CNTNAP4: variants seen among roughly 807,000 people sequenced by gnomAD.
CNTNAP4 encodes contactin associated protein family member 4, also known as contactin-associated protein-like 4.
CNTNAP4 carries 98 observed loss-of-function variants against 148.4 expected under a neutral mutation model. The ratio of observed to expected loss-of-function variants is 0.66; its 90% confidence interval spans 0.56 to 0.78. The LOEUF (loss-of-function observed/expected upper bound fraction) is 0.78. Ranked by LOEUF, CNTNAP4 falls within the 30% of genes least tolerant of loss-of-function variation. The pLI is 0.00. For synonymous variants in CNTNAP4, 730 were observed against 565.1 expected (o/e 1.29, Z -4.14); for missense variants, 1,935 against 1,565.6 (o/e 1.24, Z -3.98).
chr16:76,300,084 T>C (rs1259079152), intron 1 of CNTNAP4, among the ~76,000 whole-genome samples: 2 of 152,116 alleles, frequency 1.3e-5, no homozygotes, highest in Admixed American at 6.6e-5. Context: ...ACACGGCGCA[T>C]GTATACATAT....
In CNTNAP4 at chr16:76,451,311, C is replaced by G. The variant is rs139132154; in HGVS notation, c.1072-1197C>G. Among the ~76,000 whole-genome samples, 8 of 152,234 alleles carry G rather than the reference C, an allele frequency of 5.3e-5. No individual in the cohort carries two copies. In the East Asian group the frequency reaches 1.5e-3, roughly 29 times the overall value. Reference sequence around the variant, plus strand: ...CTCAGAAGCAGACAAGTAAGGGGATCCTGGGAAACATGGTTTCTAGCTTTA... The same window carrying G: ...CTCAGAAGCAGACAAGTAAGGGGATGCTGGGAAACATGGTTTCTAGCTTTA... On this transcript the variant is annotated intron_variant, in intron 7 of 23. Coordinates refer to ENST00000611870, the MANE Select transcript of CNTNAP4 (RefSeq NM_033401.5).
At chr16:76,441,203 C>G (rs372454615) in intron 4 of CNTNAP4, among the ~76,000 whole-genome samples, 59 of 152,110 alleles carry the variant, frequency 3.9e-4, no homozygotes, top group African/African-American at 1.2e-3. Context: ...TGACTATAAG[C>G]TCTTTCAAAA....
intron 1 of CNTNAP4, among the ~76,000 whole-genome samples, chr16:76,301,093 A>G (rs564603411): frequency 2.0e-5 from 3 of 152,256 alleles, no homozygotes; most frequent in African/African-American, 7.2e-5. Flanking sequence ...AAACTATACC[A>G]TAGTCTTCAT....
chr16:76,470,858 A>G (rs2081344867), intron 10 of CNTNAP4, among the ~76,000 whole-genome samples: 2 of 152,234 alleles, frequency 1.3e-5, no homozygotes, highest in South Asian at 4.1e-4. Flanking sequence ...ACACACATGC[A>G]CCAATGTGGC....
At chr16:76,505,791 A>G (rs1242130688) in intron 15 of CNTNAP4, among the ~76,000 whole-genome samples, 1 of 96,776 alleles carries the variant, frequency 1.0e-5, no homozygotes, top group African/African-American at 2.6e-5. Context: ...TCCCAGGGCT[A>G]TAGGAGGTCA....
chr16:76,516,556 G>A (rs2083262044), intron 15 of CNTNAP4, among the ~76,000 whole-genome samples: 2 of 152,086 alleles, frequency 1.3e-5, no homozygotes, highest in African/African-American at 4.8e-5. Context: ...TGTACTCTTG[G>A]GCATTTTCCC....
chr16:76,507,749 G>A (rs572351104), intron 15 of CNTNAP4, among the ~76,000 whole-genome samples: 1 of 96,270 alleles, frequency 1.0e-5, no homozygotes, highest in Admixed American at 1.0e-4. Context: ...TAGAAGCCTA[G>A]GCATTCATAC....
rs2081204985 is a variant in CNTNAP4, at chr16:76,467,263, C to A, written c.1484-89C>A. 4.4e-6 allele frequency: 5 copies of A among 1,126,284 alleles called. No homozygotes were observed. In the Admixed American group the frequency reaches 6.7e-5, roughly 15 times the overall value. 69.8% of individuals were successfully genotyped at this position (1,126,284 alleles called of 1,614,324 possible). ...TTTAATACAGAAAATAATCATATGC[C>A]TCTTTCTTTTATTTTTTAAATGAAG... On this transcript the variant is annotated intron_variant, in intron 9 of 23. Transcript: ENST00000611870.
intron 1 of CNTNAP4, among the ~76,000 whole-genome samples, chr16:76,289,542 T>A (rs1451109155): frequency 6.6e-6 from 1 of 151,326 alleles, no homozygotes; most frequent in Admixed American, 6.6e-5. Flanking sequence ...TTTTTTTTTT[T>A]ACCAGCATTA....
chr16:76,312,167 A>G (rs1961195384), intron 1 of CNTNAP4, among the ~76,000 whole-genome samples: 1 of 152,148 alleles, frequency 6.6e-6, no homozygotes, highest in African/African-American at 2.4e-5. Flanking sequence ...AGACCAGACC[A>G]TTCTTTGTGG....
intron 15 of CNTNAP4, among the ~76,000 whole-genome samples, chr16:76,500,109 G>T (rs1034510441): frequency 6.6e-6 from 1 of 152,066 alleles, no homozygotes; most frequent in African/African-American, 2.4e-5. Context: ...GGGCAGAGGG[G>T]CTCCGCACTT....
Position 76,521,424 on chromosome 16 carries a change from G to A in CNTNAP4, c.2536+114G>A, listed in dbSNP as rs773277324. Reference sequence around the variant, plus strand: ...TTTATCATCTGATTCTTTTCATTGCGCCCCTTTGAAAAACTCAATAATATT... The same window carrying A: ...TTTATCATCTGATTCTTTTCATTGCACCCCTTTGAAAAACTCAATAATATT... On this transcript the variant is annotated intron_variant, in intron 16 of 23. Transcript: ENST00000611870. 6.1e-6 allele frequency: 5 copies of A among 820,914 alleles called. No individual in the cohort carries two copies. The African/African-American group carries it at 7.1e-5, about 12-fold the overall frequency. The allele number at this position is 820,914 out of a possible 1,614,324, so 50.9% of individuals were successfully genotyped here. A position where few individuals can be genotyped will look rare whatever the true frequency, so the allele number is the denominator to read the frequency against.
intron 2 of CNTNAP4, among the ~76,000 whole-genome samples, chr16:76,320,300 G>T (rs1962270237): frequency 6.6e-6 from 1 of 152,100 alleles, no homozygotes; most frequent in Non-Finnish European, 1.5e-5. Flanking sequence ...AATAGAAAAG[G>T]TATACCTTTG....
At chr16:76,281,238 C>T (rs966453529) in intron 1 of CNTNAP4, among the ~76,000 whole-genome samples, 1 of 152,042 alleles carries the variant, frequency 6.6e-6, no homozygotes, top group African/African-American at 2.4e-5. Context: ...CCTCCCCCCA[C>T]CATATTTACT....
intron 3 of CNTNAP4, among the ~76,000 whole-genome samples, chr16:76,422,978 G>A (rs1473814328): frequency 6.6e-6 from 1 of 152,096 alleles, no homozygotes; most frequent in African/African-American, 2.4e-5. Flanking sequence ...TAGGTCAAGA[G>A]TCCTGTTATG....
At chr16:76,525,463 A>G (rs2083678412) in intron 17 of CNTNAP4, among the ~76,000 whole-genome samples, 1 of 148,846 alleles carries the variant, frequency 6.7e-6, no homozygotes, top group South Asian at 2.1e-4. Context: ...AAATGTATAT[A>G]ATATAGAGAA....
chr16:76,400,137 G>T (rs79646983), intron 3 of CNTNAP4, among the ~76,000 whole-genome samples: 3,814 of 152,146 alleles, frequency 0.025, 143 homozygotes, highest in African/African-American at 0.088. Context: ...GACCGTCTGG[G>T]TATTACTGTT....
intron 21 of CNTNAP4, 40 bp from the exon 22 acceptor site, chr16:76,553,242 CT>C: frequency 7.6e-7 from 1 of 1,313,548 alleles, no homozygotes; most frequent in East Asian, 2.4e-5. Context: ...CCTATTTTCA[CT>C]TTTCACTACT....
intron 1 of CNTNAP4, among the ~76,000 whole-genome samples, chr16:76,292,108 C>T (rs1959139546): frequency 6.6e-6 from 1 of 152,124 alleles, no homozygotes; most frequent in South Asian, 2.1e-4. Flanking sequence ...ATATGGCTCC[C>T]TTAAGATTCT....
Sources: allele counts gnomAD v4.1 joint callset (sites outside exome capture counted in the v4.1 genomes callset), GRCh38; gene constraint gnomAD v4.1.1; transcripts MANE v1.5; gene names NCBI Gene and HGNC (gene_info 2026-07-23, HGNC 2026-07-21).